GRID2: variants seen among roughly 807,000 people sequenced by gnomAD.
The protein encoded by GRID2 is glutamate ionotropic receptor delta type subunit 2, also known as glutamate receptor ionotropic, delta-2.
In GRID2, 33 loss-of-function variants were observed where a neutral mutation model predicts 114.8. The observed-to-expected ratio is 0.29, with a 90% CI of 0.22 to 0.38. The LOEUF (loss-of-function observed/expected upper bound fraction) is 0.38. GRID2 is among the 10% of genes least tolerant of loss of function. The probability of loss-of-function intolerance (pLI) is 1.00; values close to 1 mark genes in which losing one functional copy is unlikely to be tolerated. For missense variants in GRID2, 1,184 were observed against 1,257.7 expected (o/e 0.94, Z 0.89); for synonymous variants, 505 against 449.9 (o/e 1.12, Z -1.55).
chr4:92,334,134 G>T (rs1277497362), intron 1 of GRID2, among the ~76,000 whole-genome samples: 6 of 152,128 alleles, frequency 3.9e-5, no homozygotes, highest in African/African-American at 9.7e-5. Context: ...TAACAAGGAT[G>T]GCCTTTACTC....
intron 13 of GRID2, among the ~76,000 whole-genome samples, chr4:93,547,617 C>T (rs1206014450): frequency 1.3e-5 from 2 of 152,156 alleles, no homozygotes; most frequent in Admixed American, 1.3e-4. Context: ...ATAGTATTCA[C>T]AAAACACAGT....
chr4:92,459,403 A>T (rs1259385039), intron 1 of GRID2, among the ~76,000 whole-genome samples: 1 of 152,210 alleles, frequency 6.6e-6, no homozygotes, highest in Non-Finnish European at 1.5e-5. Flanking sequence ...GGCAATATGC[A>T]AACCATCCAT....
Position 93,073,424 on chromosome 4 carries a change from A to G in GRID2, c.245-11571A>G, listed in dbSNP as rs141587408. On this transcript the variant is annotated intron_variant, in intron 2 of 15. Transcript: ENST00000282020. ...TCTCTAGTTTACTGTATTATAAGAT[A>G]CAGTATATATTAGTGTATGAAATAT... is the stretch of plus-strand genomic sequence containing the variant. 2.0e-3 allele frequency among the ~76,000 whole-genome samples: 305 copies of G among 152,318 alleles called. 3 individuals are homozygous for G. The highest frequency in any genetic ancestry group is 7.1e-3 in the African/African-American group (297 of 41,576).
chr4:93,354,432 A>T (rs1007090749), intron 8 of GRID2, among the ~76,000 whole-genome samples: 1 of 152,008 alleles, frequency 6.6e-6, no homozygotes, highest in South Asian at 2.1e-4. Flanking sequence ...TAAATGTAAG[A>T]TGAAACAGGA....
At chr4:93,491,365 G>C (rs950672895) in intron 12 of GRID2, among the ~76,000 whole-genome samples, 1 of 151,856 alleles carries the variant, frequency 6.6e-6, no homozygotes, top group Admixed American at 6.6e-5. Flanking sequence ...CTGGGAAATA[G>C]TGATTAACTA....
chr4:92,469,313 A>C (rs1194300119), intron 1 of GRID2, among the ~76,000 whole-genome samples: 2 of 152,234 alleles, frequency 1.3e-5, no homozygotes. Flanking sequence ...GAAGGTTAGA[A>C]TATAGTTGTC....
chr4:92,571,244 C>T (rs565786768), intron 1 of GRID2, among the ~76,000 whole-genome samples: 96 of 151,918 alleles, frequency 6.3e-4, no homozygotes, highest in Admixed American at 1.1e-3. Flanking sequence ...TGTGATGAAT[C>T]ACATGTATTG....
intron 14 of GRID2, among the ~76,000 whole-genome samples, chr4:93,748,129 C>A (rs1732008707): frequency 6.6e-6 from 1 of 151,870 alleles, no homozygotes; most frequent in African/African-American, 2.4e-5. Context: ...TAAAAATGAG[C>A]TATAAAATTA....
intron 1 of GRID2, among the ~76,000 whole-genome samples, chr4:93,803,025 A>T (rs976446012): frequency 2.0e-5 from 3 of 152,202 alleles, no homozygotes; most frequent in Non-Finnish European, 4.4e-5. Context: ...TGAACATAGA[A>T]AGTGTTTCAG....
intron 13 of GRID2, among the ~76,000 whole-genome samples, chr4:93,574,772 G>T (rs1292319704): frequency 6.6e-6 from 1 of 152,246 alleles, no homozygotes; most frequent in Non-Finnish European, 1.5e-5. Flanking sequence ...ACGAATAAAA[G>T]ATATTCAAAA....
chr4:92,576,232 C>T (rs930656868), intron 1 of GRID2, among the ~76,000 whole-genome samples: 2 of 152,220 alleles, frequency 1.3e-5, no homozygotes, highest in Non-Finnish European at 2.9e-5. Flanking sequence ...GGAAGCACTC[C>T]AGCCATGTTC....
chr4:92,333,598 T>C (rs1054893819), intron 1 of GRID2, among the ~76,000 whole-genome samples: 2 of 152,186 alleles, frequency 1.3e-5, no homozygotes, highest in African/African-American at 4.8e-5. Flanking sequence ...TCCCTTCTGC[T>C]TCCCTTTTAT....
chr4:93,105,799 A>G (rs73837393), intron 3 of GRID2, among the ~76,000 whole-genome samples: 141 of 152,224 alleles, frequency 9.3e-4, no homozygotes, highest in African/African-American at 3.3e-3. Flanking sequence ...TCCCTCTTCC[A>G]ATTTTAAAGA....
intron 2 of GRID2, among the ~76,000 whole-genome samples, chr4:92,661,216 A>C (rs1446262028): frequency 6.6e-6 from 1 of 150,988 alleles, no homozygotes; most frequent in South Asian, 2.1e-4. Flanking sequence ...AAAAACTAAT[A>C]AAGAGGTGTT....
chr4:92,671,093 T>C (rs1733043201), intron 2 of GRID2, among the ~76,000 whole-genome samples: 1 of 152,074 alleles, frequency 6.6e-6, no homozygotes. Context: ...AATTGACTCA[T>C]AGTTCCACAG....
intron 13 of GRID2, among the ~76,000 whole-genome samples, chr4:93,553,082 G>A (rs189885667): frequency 2.4e-4 from 37 of 152,180 alleles, no homozygotes; most frequent in African/African-American, 5.5e-4. Flanking sequence ...GAATAGTGCC[G>A]CAATAAACAT....
In GRID2 at chr4:92,922,434, C is replaced by T. The variant is rs545694808; in HGVS notation, c.245-162561C>T. Among the ~76,000 whole-genome samples the T allele has an allele frequency of 1.2e-4, 18 of 152,212 alleles. No individual in the cohort carries two copies. In the East Asian group the frequency reaches 2.5e-3, roughly 21 times the overall value. On this transcript the variant is annotated intron_variant, in intron 2 of 15. Coordinates refer to ENST00000282020, the MANE Select transcript of GRID2 (RefSeq NM_001510.4). ...TGCAGAAATCACCCATCCTCTGTGT[C>T]GCTCATGCTGGGAGCTGTAGACTGG...
chr4:92,919,483 G>A (rs1488365173), intron 2 of GRID2, among the ~76,000 whole-genome samples: 1 of 152,102 alleles, frequency 6.6e-6, no homozygotes, highest in Non-Finnish European at 1.5e-5. Context: ...TCTCTAGTGG[G>A]CATTTAGTGC....
chr4:92,390,733 G>A (rs1364258911), intron 1 of GRID2, among the ~76,000 whole-genome samples: 1 of 152,058 alleles, frequency 6.6e-6, no homozygotes, highest in East Asian at 1.9e-4. Flanking sequence ...AGAGTTTCAG[G>A]TTTTACTCAA....
Sources: allele counts gnomAD v4.1 joint callset (sites outside exome capture counted in the v4.1 genomes callset), GRCh38; gene constraint gnomAD v4.1.1; transcripts MANE v1.5; gene names NCBI Gene and HGNC (gene_info 2026-07-23, HGNC 2026-07-21).